ABCB4: variants seen among roughly 807,000 people sequenced by gnomAD.
ABCB4 encodes phosphatidylcholine translocator ABCB4.
Under a neutral mutation model 145.7 loss-of-function variants are expected in ABCB4, and 76 were observed. That is an observed-to-expected ratio of 0.52 (90% CI 0.43 to 0.63). The LOEUF is 0.63. Among genes scored for constraint, ABCB4 ranks in the 30% least tolerant of loss-of-function variants. The pLI, the probability that ABCB4 is intolerant of heterozygous loss-of-function variation, is 0.00. For synonymous variants in ABCB4, 517 were observed against 566.8 expected, an observed-to-expected ratio of 0.91 and a Z score of 1.25; for missense variants, 1,234 against 1,553.1, an observed-to-expected ratio of 0.79 and a Z score of 3.45.
At chr7:87,424,190 G>A in intron 16 of ABCB4, 138 bp from the exon 17 acceptor site, 1 of 965,056 alleles carries the variant, frequency 1.0e-6, no homozygotes, top group Non-Finnish European at 1.7e-6. Flanking sequence ...CTACTAGAGA[G>A]TAGGACAGTA....
chr7:87,469,642 C>T (rs907714611), intron 3 of ABCB4, among the ~76,000 whole-genome samples: 6 of 152,082 alleles, frequency 3.9e-5, no homozygotes, highest in African/African-American at 2.4e-5. Context: ...AATAAAATAC[C>T]TAGGAATCCA....
chr7:87,369,279 A>G, the ABCB4 span: 1 of 705,432 alleles, frequency 1.4e-6, no homozygotes, highest in African/African-American at 1.8e-5. Flanking sequence ...TAAATAAAAT[A>G]CTGGAAGAAT....
At position 87,453,403 on chromosome 7, in the gene ABCB4, C is replaced by T. The variant is rs1436869770; in HGVS notation, c.345-268G>A. 3.3e-5 allele frequency among the ~76,000 whole-genome samples: 5 copies of T among 152,106 alleles called. No individual in the cohort carries two copies. The East Asian group carries it at 5.8e-4, about 18-fold the overall frequency. The stretch of plus-strand genomic sequence containing the variant: ...TTCACCATGTTGGCCAGGCTGGTCT[C>T]GAACTCCTGACCTCAAGTGATCTGC... On this transcript the variant is annotated intron_variant, in intron 5 of 27. Coordinates refer to ENST00000649586, the MANE Select transcript of ABCB4 (RefSeq NM_000443.4).
intron 4 of ABCB4, among the ~76,000 whole-genome samples, chr7:87,456,925 C>G (rs1343626279): frequency 1.3e-5 from 2 of 151,994 alleles, no homozygotes; most frequent in Admixed American, 6.6e-5. Flanking sequence ...CTGAAAAGAG[C>G]CTACTCCTGG....
intron 20 of ABCB4, among the ~76,000 whole-genome samples, chr7:87,417,727 C>A (rs538359839): frequency 1.1e-3 from 172 of 152,312 alleles, no homozygotes; most frequent in Non-Finnish European, 1.9e-3. Context: ...CCTCTCCTGC[C>A]CACCTGAACC....
chr7:87,432,260 A>G (rs891482700), intron 14 of ABCB4, among the ~76,000 whole-genome samples: 1 of 152,198 alleles, frequency 6.6e-6, no homozygotes, highest in Non-Finnish European at 1.5e-5. Flanking sequence ...GATAATGCCA[A>G]TAAAAGTATT....
rs750541785 is a variant in ABCB4 at position 87,439,653 on chromosome 7, T to C, written c.1731+14A>G. 4 of 1,614,162 alleles carry C rather than the reference T, an allele frequency of 2.5e-6. No individual in the cohort carries two copies. In the East Asian group the frequency reaches 6.7e-5, roughly 27 times the overall value. ...TCAATGTGGTGGTCCTTCAGCTTTT[T>C]AGAGTCTACTGACCTTATCCAGAGC... On this transcript the variant is annotated intron_variant, in intron 14 of 27. Coordinates refer to ENST00000649586, the MANE Select transcript of ABCB4 (RefSeq NM_000443.4).
intron 4 of ABCB4, among the ~76,000 whole-genome samples, chr7:87,460,622 GTATTTATTTATTTATT>G (rs3028335): frequency 2.6e-4 from 38 of 148,430 alleles, no homozygotes; most frequent in East Asian, 3.9e-4. Context: ...ACACAATTTT[GTATTTATTTATTTATT>G]TATTTATTTA....
At chr7:87,464,533 C>A (rs777129367) in intron 3 of ABCB4, among the ~76,000 whole-genome samples, 2 of 152,170 alleles carry the variant, frequency 1.3e-5, no homozygotes, top group Non-Finnish European at 2.9e-5. Context: ...CATTAAAAAG[C>A]ATTTTAAATG....
chr7:87,443,379 G>T lies in ABCB4; in HGVS notation c.1296C>A (p.Gly432=). The stretch of plus-strand genomic sequence containing the variant: ...GCTGGACCGTTGTGCTCTTCCCACA[G>T]CCACTACTTCCAACCAGGGCCACCG... ...GQTVALVGSS[G]CGKSTTVQLI... is the part of the protein sequence containing the mutation. The change falls in exon 12 of 28, where the codon GGC becomes GGA. Residue 432 remains glycine (G), a synonymous_variant. Transcript: ENST00000649586. 1 of 1,614,024 alleles carries T rather than the reference G, an allele frequency of 6.2e-7. No individual in the cohort carries two copies. The highest frequency in any genetic ancestry group is 8.5e-7 in the Non-Finnish European group (1 of 1,179,992).
At chr7:87,402,475 A>G (rs987549122) in intron 27 of ABCB4, among the ~76,000 whole-genome samples, 173 bp from the exon 28 acceptor site, 1 of 152,210 alleles carries the variant, frequency 6.6e-6, no homozygotes, top group African/African-American at 2.4e-5. Flanking sequence ...CTACATAGTT[A>G]TGTTCTGCTT....
chr7:87,451,631 A>G lies in ABCB4; in HGVS notation c.700T>C (p.Trp234Arg), dbSNP rs771157805. 6.2e-7 allele frequency: 1 copy of G among 1,614,164 alleles called. No individual in the cohort carries two copies. The highest frequency in any genetic ancestry group is 8.5e-7 in the Non-Finnish European group (1 of 1,180,012). The change falls in exon 7 of 28, where the codon TGG becomes CGG. Residue 234 changes from tryptophan (W) to arginine (R), a missense_variant. By Grantham distance (101) the Trp-to-Arg change is moderately radical (BLOSUM62 -3). Coordinates refer to ENST00000649586, the MANE Select transcript of ABCB4 (RefSeq NM_000443.4). The stretch of plus-strand genomic sequence containing the variant: ...GCCCAGCTTTCACATACCTTTGCCC[A>G]AACGGCTGCAGAGAGTCCTAGAATA... ...SPILGLSAAVWAKILSAFSDK... is the reference protein window; with the variant it reads ...SPILGLSAAVRAKILSAFSDK...
the ABCB4 span, among the ~76,000 whole-genome samples, chr7:87,371,469 T>C: frequency 2.0e-5 from 3 of 152,236 alleles, no homozygotes; most frequent in Non-Finnish European, 4.4e-5. Flanking sequence ...TTCCATTTGT[T>C]GCTATAACAA....
chr7:87,453,755 C>T (rs1223723278), intron 5 of ABCB4, among the ~76,000 whole-genome samples: 3 of 152,046 alleles, frequency 2.0e-5, no homozygotes, highest in Non-Finnish European at 4.4e-5. Context: ...AATTTAACTC[C>T]TCTTTAATAA....
intron 3 of ABCB4, among the ~76,000 whole-genome samples, chr7:87,465,359 G>A (rs1563001489): frequency 1.3e-5 from 2 of 152,142 alleles, no homozygotes; most frequent in Non-Finnish European, 2.9e-5. Flanking sequence ...GACTTGAGTA[G>A]GTAAACAAAG....
At chr7:87,385,703 T>G in the ABCB4 span, among the ~76,000 whole-genome samples, 4 of 152,192 alleles carry the variant, frequency 2.6e-5, no homozygotes, top group Non-Finnish European at 5.9e-5. Flanking sequence ...GGCTAGGACT[T>G]CCAATACTAT....
chr7:87,467,093 A>G (rs902630058), intron 3 of ABCB4, among the ~76,000 whole-genome samples: 3 of 152,240 alleles, frequency 2.0e-5, no homozygotes, highest in Non-Finnish European at 4.4e-5. Context: ...CAATTAAAAG[A>G]CACAGACTGG....
At chr7:87,444,460 G>A (rs932395998) in intron 10 of ABCB4, among the ~76,000 whole-genome samples, 2 of 152,068 alleles carry the variant, frequency 1.3e-5, no homozygotes, top group South Asian at 4.2e-4. Flanking sequence ...TTTTGGAGAG[G>A]GGGAACCCAC....
At chr7:87,464,552 T>A (rs977768438) in intron 3 of ABCB4, among the ~76,000 whole-genome samples, 10 of 152,352 alleles carry the variant, frequency 6.6e-5, no homozygotes, top group Non-Finnish European at 1.0e-4. Context: ...TGTTTTCATA[T>A]TAATTGAATA....
Sources: allele counts gnomAD v4.1 joint callset (sites outside exome capture counted in the v4.1 genomes callset), GRCh38; gene constraint gnomAD v4.1.1; transcripts MANE v1.5; gene names NCBI Gene and HGNC (gene_info 2026-07-23, HGNC 2026-07-21).